Variants in PTPRD observed in about 807,000 individuals in gnomAD.
PTPRD encodes the protein protein tyrosine phosphatase receptor type D, also known as receptor-type tyrosine-protein phosphatase delta.
PTPRD carries 34 observed loss-of-function variants against 214.5 expected under a neutral mutation model. The observed-to-expected ratio is 0.16, with a 90% CI of 0.12 to 0.21. The LOEUF (loss-of-function observed/expected upper bound fraction) is 0.21, where lower values mean the gene tolerates loss of function less well. Among genes scored for constraint, PTPRD ranks in the 10% least tolerant of loss-of-function variants. The pLI, the probability that PTPRD is intolerant of heterozygous loss-of-function variation, is 1.00. For missense variants in PTPRD, 2,545 were observed against 2,398.7 expected, an observed-to-expected ratio of 1.06 and a Z score of -1.27; for synonymous variants, 1,128 against 845.7, an observed-to-expected ratio of 1.33 and a Z score of -5.79.
chr9:10,141,327 G>A (rs900460274), intron 3 of PTPRD, among the ~76,000 whole-genome samples: 35 of 152,126 alleles, frequency 2.3e-4, no homozygotes, highest in African/African-American at 8.2e-4. Context: ...TTTTGCAGAC[G>A]ACATGATTGT....
At chr9:9,095,517 C>G (rs1193956096) in intron 10 of PTPRD, among the ~76,000 whole-genome samples, 1 of 152,104 alleles carries the variant, frequency 6.6e-6, no homozygotes, top group Non-Finnish European at 1.5e-5. Context: ...TGTTGACAGG[C>G]AGGGCCTTAG....
intron 7 of PTPRD, among the ~76,000 whole-genome samples, chr9:9,616,031 T>C (rs1393273080): frequency 2.6e-5 from 4 of 152,148 alleles, no homozygotes; most frequent in Non-Finnish European, 5.9e-5. Flanking sequence ...AATCAAAACG[T>C]TTCTAGAATG....
In PTPRD at chr9:8,591,840, T is replaced by C. The variant is rs114882347; in HGVS notation, c.352+41477A>G. ...GAACTCTGTATTCACTATGTAAACC[T>C]TCTAACGGAATAGCCTTCAGTGTAA... On this transcript the variant is annotated intron_variant, in intron 14 of 45. Coordinates refer to ENST00000381196, the MANE Select transcript of PTPRD (RefSeq NM_002839.4). 3.4e-3 allele frequency among the ~76,000 whole-genome samples: 513 copies of C among 152,262 alleles called. 3 individuals are homozygous for C. The highest frequency in any genetic ancestry group is 0.012 in the African/African-American group (497 of 41,576).
chr9:9,967,013 A>C (rs1049494925), intron 4 of PTPRD, among the ~76,000 whole-genome samples: 1 of 152,138 alleles, frequency 6.6e-6, no homozygotes, highest in Non-Finnish European at 1.5e-5. Flanking sequence ...CAGATCACAG[A>C]TAGGAGATAG....
chr9:8,878,642 C>A (rs945238501), intron 11 of PTPRD, among the ~76,000 whole-genome samples: 8 of 152,160 alleles, frequency 5.3e-5, no homozygotes, highest in African/African-American at 1.7e-4. Context: ...GTCCTCCCAC[C>A]TCAGCCTCCT....
chr9:9,472,388 A>T (rs2146574359), intron 8 of PTPRD, among the ~76,000 whole-genome samples: 1 of 151,646 alleles, frequency 6.6e-6, no homozygotes, highest in South Asian at 2.1e-4. Flanking sequence ...TATTTTTAGT[A>T]GAGACGGGGT....
At chr9:9,896,400 T>C (rs1317363057) in intron 5 of PTPRD, among the ~76,000 whole-genome samples, 2 of 152,054 alleles carry the variant, frequency 1.3e-5, no homozygotes, top group Admixed American at 6.6e-5. Flanking sequence ...ACATCTTCAC[T>C]AGTGCAAGGT....
rs561671691 is a variant in PTPRD at position 9,708,208 on chromosome 9, C to G, written c.-287+26325G>C. 1.5e-4 allele frequency among the ~76,000 whole-genome samples: 17 copies of G among 114,880 alleles called. No homozygotes were observed. The South Asian group carries it at 4.9e-3, about 33-fold the overall frequency. The allele number at this position is 114,880 out of a possible 152,430, so 75.4% of individuals were successfully genotyped here. A position where few individuals can be genotyped will look rare whatever the true frequency, so the allele number is the denominator to read the frequency against. On this transcript the variant is annotated intron_variant, in intron 7 of 45. Transcript: ENST00000381196. ...ATGTTTACAGAAAGTTCTGCAGTTGCTGGGCCCAATTTCATTAATTTTAGG... is the reference window on the plus strand; with the variant it reads ...ATGTTTACAGAAAGTTCTGCAGTTGGTGGGCCCAATTTCATTAATTTTAGG...
intron 3 of PTPRD, among the ~76,000 whole-genome samples, chr9:10,088,893 T>C (rs2098393818): frequency 1.3e-5 from 2 of 151,648 alleles, no homozygotes; most frequent in South Asian, 2.1e-4. Context: ...GGAAATATTC[T>C]GGTGGTGATG....
intron 2 of PTPRD, among the ~76,000 whole-genome samples, chr9:10,582,620 T>A (rs2072336193): frequency 6.6e-6 from 1 of 152,214 alleles, no homozygotes; most frequent in South Asian, 2.1e-4. Context: ...TATTTCCATT[T>A]TAGGGTGTAT....
chr9:10,523,272 A>G (rs2052990308), intron 2 of PTPRD, among the ~76,000 whole-genome samples: 1 of 152,042 alleles, frequency 6.6e-6, no homozygotes. Flanking sequence ...GCTACGATTT[A>G]CCACTACATA....
intron 11 of PTPRD, among the ~76,000 whole-genome samples, chr9:8,771,673 A>C (rs2095223280): frequency 6.6e-6 from 1 of 152,220 alleles, no homozygotes; most frequent in Non-Finnish European, 1.5e-5. Context: ...AGTCATCTAA[A>C]AAGAAAAGTC....
At chr9:9,450,802 T>C (rs575557515) in intron 8 of PTPRD, among the ~76,000 whole-genome samples, 1 of 151,540 alleles carries the variant, frequency 6.6e-6, no homozygotes, top group South Asian at 2.1e-4. Context: ...GAGAACAAAG[T>C]AATAGAGTTT....
chr9:10,255,865 G>A (rs921308167), intron 3 of PTPRD, among the ~76,000 whole-genome samples: 3 of 151,974 alleles, frequency 2.0e-5, no homozygotes, highest in African/African-American at 4.8e-5. Context: ...AACACACATC[G>A]TAGCCTAGAC....
chr9:10,356,419 C>T (rs981953587), intron 2 of PTPRD, among the ~76,000 whole-genome samples: 1 of 152,058 alleles, frequency 6.6e-6, no homozygotes, highest in Admixed American at 6.5e-5. Context: ...AAATGCTGTC[C>T]AGTGATATTT....
Position 10,462,107 on chromosome 9 carries a change from G to A in PTPRD, c.-599-121090C>T, listed in dbSNP as rs553619990. Among the ~76,000 whole-genome samples the A allele has an allele frequency of 1.2e-3, 177 of 151,714 alleles. 1 individual carries two copies. The highest frequency in any genetic ancestry group is 2.1e-3 in the Non-Finnish European group (141 of 67,772). On this transcript the variant is annotated intron_variant, in intron 2 of 45. Transcript: ENST00000381196. The stretch of plus-strand genomic sequence containing the variant: ...TTAATGTAAACTATGAGGAATGATA[G>A]TTAGCGTATTATATACAGGAGTTTT...
chr9:8,964,213 T>TTTG, intron 11 of PTPRD, among the ~76,000 whole-genome samples: 1 of 146,548 alleles, frequency 6.8e-6, no homozygotes, highest in Non-Finnish European at 1.5e-5. Context: ...TTTTTTTTTT[T>TTTG]TTTTGCTGAT....
chr9:9,908,558 G>A (rs971164641), intron 5 of PTPRD, among the ~76,000 whole-genome samples: 3 of 152,030 alleles, frequency 2.0e-5, no homozygotes, highest in African/African-American at 7.2e-5. Context: ...TCAAATGATA[G>A]TCCACAGATA....
intron 10 of PTPRD, among the ~76,000 whole-genome samples, chr9:9,113,883 T>C (rs960410833): frequency 1.1e-4 from 16 of 152,140 alleles, no homozygotes; most frequent in African/African-American, 3.9e-4. Flanking sequence ...TATGCTATAG[T>C]AAGGTATCAA....
Sources: allele counts gnomAD v4.1 joint callset (sites outside exome capture counted in the v4.1 genomes callset), GRCh38; gene constraint gnomAD v4.1.1; transcripts MANE v1.5; gene names NCBI Gene and HGNC (gene_info 2026-07-23, HGNC 2026-07-21).